PI4KA: variants seen among roughly 807,000 people sequenced by gnomAD.
PI4KA encodes the protein PI4-kinase alpha.
Under a neutral mutation model 271.4 loss-of-function variants are expected in PI4KA, and 122 were observed. The observed-to-expected ratio is 0.45, with a 90% confidence interval of 0.39 to 0.52. PI4KA has a LOEUF of 0.52. Ranked by LOEUF, PI4KA falls within the 20% of genes least tolerant of loss-of-function variation. The pLI is 0.00. For missense variants in PI4KA, 1,969 were observed against 2,769.1 expected, an observed-to-expected ratio of 0.71 and a Z score of 6.48; for synonymous variants, 1,041 against 1,078.8, an observed-to-expected ratio of 0.96 and a Z score of 0.69.
chr22:20,774,644 C>T (rs534518314), intron 19 of PI4KA, among the ~76,000 whole-genome samples: 1 of 151,964 alleles, frequency 6.6e-6, no homozygotes, highest in South Asian at 2.1e-4. Flanking sequence ...GCCTGTAATC[C>T]CAGCTACTCA....
intron 17 of PI4KA, among the ~76,000 whole-genome samples, chr22:20,797,407 G>A (rs978733078): frequency 1.3e-4 from 20 of 152,056 alleles, no homozygotes; most frequent in Admixed American, 2.6e-4. Flanking sequence ...AGGCAGCTGG[G>A]GACACTCCTG....
chr22:20,785,886 A>G lies in PI4KA; in HGVS notation c.2328+7307T>C, dbSNP rs916791678. On this transcript the variant is annotated intron_variant, in intron 19 of 54. Coordinates refer to ENST00000255882, the MANE Select transcript of PI4KA (RefSeq NM_058004.4). The stretch of plus-strand genomic sequence containing the variant: ...TGACAGTCCCGGAATATAAATTTTA[A>G]TAAGTGCTATATCAATTCTGTGATA... 5.8e-6 allele frequency: 8 copies of G among 1,386,132 alleles called. No homozygotes were observed. The African/African-American group carries it at 7.1e-5, about 12-fold the overall frequency. The allele number at this position is 1,386,132 out of a possible 1,614,324, so 85.9% of individuals were successfully genotyped here. A position where few individuals can be genotyped will look rare whatever the true frequency, so the allele number is the denominator to read the frequency against.
At chr22:20,761,032 C>T (rs891190232) in intron 23 of PI4KA, among the ~76,000 whole-genome samples, 14 of 152,294 alleles carry the variant, frequency 9.2e-5, no homozygotes, top group African/African-American at 2.9e-4. Flanking sequence ...AGTGCCCATC[C>T]GAGGAGCCCT....
chr22:20,752,607 G>A (rs1246978810), intron 25 of PI4KA, among the ~76,000 whole-genome samples: 1 of 152,212 alleles, frequency 6.6e-6, no homozygotes, highest in Non-Finnish European at 1.5e-5. Context: ...TGGGCTAGAA[G>A]ATGGTGCACC....
chr22:20,736,089 G>A (rs1165277178), intron 32 of PI4KA, among the ~76,000 whole-genome samples: 1 of 152,136 alleles, frequency 6.6e-6, no homozygotes, highest in African/African-American at 2.4e-5. Context: ...CTAAGAAACA[G>A]CAGTGCGAGT....
intron 19 of PI4KA, among the ~76,000 whole-genome samples, chr22:20,788,210 G>C (rs545954650): frequency 1.3e-5 from 2 of 152,174 alleles, no homozygotes; most frequent in African/African-American, 4.8e-5. Context: ...AGGAAGACAA[G>C]GGTTGGAAGA....
chr22:20,712,822 GCGGT>G, intron 48 of PI4KA, 25 bp from the exon 49 acceptor site: 1 of 1,550,612 alleles, frequency 6.4e-7, no homozygotes, highest in East Asian at 2.4e-5. Flanking sequence ...GGCGCAGGAT[GCGGT>G]CAGTTGGCGT....
At chr22:20,770,560 G>T (rs1932825484) in intron 19 of PI4KA, among the ~76,000 whole-genome samples, 3 of 127,892 alleles carry the variant, frequency 2.3e-5, no homozygotes, top group East Asian at 4.8e-4. Context: ...GTTTTGCTAT[G>T]TTGCCCAAGC....
At chr22:20,783,780 A>T (rs1408556538) in intron 19 of PI4KA, among the ~76,000 whole-genome samples, 2 of 152,174 alleles carry the variant, frequency 1.3e-5, no homozygotes, top group East Asian at 3.9e-4. Context: ...AGTCCGGGTA[A>T]CCTCTCGTTA....
chr22:20,811,622 A>C (rs992271237), intron 8 of PI4KA, among the ~76,000 whole-genome samples: 1 of 151,962 alleles, frequency 6.6e-6, no homozygotes, highest in Non-Finnish European at 1.5e-5. Context: ...AAAAAAAAAA[A>C]ACTGCCCACA....
In PI4KA at chr22:20,798,155, C is replaced by T. The variant is rs542479582; in HGVS notation, c.2108+429G>A. 4.6e-5 allele frequency among the ~76,000 whole-genome samples: 7 copies of T among 152,294 alleles called. No individual in the cohort carries two copies. The East Asian group carries it at 1.2e-3, about 25-fold the overall frequency. On this transcript the variant is annotated intron_variant, in intron 17 of 54. Coordinates refer to ENST00000255882, the MANE Select transcript of PI4KA (RefSeq NM_058004.4). Reference sequence around the variant, plus strand: ...TGCTCAGAGATATGTAGCTGTTAGGCTGTCAATGCTGCATTTATTAGTGGG... The same window carrying T: ...TGCTCAGAGATATGTAGCTGTTAGGTTGTCAATGCTGCATTTATTAGTGGG...
intron 3 of PI4KA, among the ~76,000 whole-genome samples, chr22:20,833,590 T>C (rs1924474814): frequency 6.6e-6 from 1 of 151,506 alleles, no homozygotes; most frequent in Admixed American, 6.6e-5. Flanking sequence ...AGAATGTTAA[T>C]GAGAACAGCA....
Position 20,838,006 on chromosome 22 carries a change from A to G in PI4KA, c.273+609T>C, listed in dbSNP as rs574124735. Reference sequence around the variant, plus strand: ...AGTGGTGGCTGGTGCCTGTAATCCCAGCTACTCAGGAGGCTGAGGCAGGAG... The same window carrying G: ...AGTGGTGGCTGGTGCCTGTAATCCCGGCTACTCAGGAGGCTGAGGCAGGAG... On this transcript the variant is annotated intron_variant, in intron 2 of 54. Coordinates refer to ENST00000255882, the MANE Select transcript of PI4KA (RefSeq NM_058004.4). Among the ~76,000 whole-genome samples, 175 of 152,108 alleles carry G rather than the reference A, an allele frequency of 1.2e-3. 1 individual carries two copies. The highest frequency in any genetic ancestry group is 4.1e-3 in the African/African-American group (168 of 41,480).
chr22:20,719,533 G>A (rs916915966), intron 43 of PI4KA, among the ~76,000 whole-genome samples: 2 of 152,134 alleles, frequency 1.3e-5, no homozygotes, highest in African/African-American at 4.8e-5. Flanking sequence ...TCTGATTTTG[G>A]AGCCTGGACT....
At chr22:20,714,787 T>A in intron 45 of PI4KA, 87 bp from the exon 46 acceptor site, 7 of 1,470,432 alleles carry the variant, frequency 4.8e-6, no homozygotes, top group Non-Finnish European at 6.5e-6. Context: ...GTTACATGCG[T>A]GTCCACCCTG....
intron 41 of PI4KA, 28 bp from the exon 42 acceptor site, chr22:20,726,569 G>T: frequency 1.3e-6 from 2 of 1,573,088 alleles, no homozygotes; most frequent in South Asian, 1.2e-5. Flanking sequence ...AGTTGGCCAT[G>T]ACTTCTGAGA....
chr22:20,720,749 T>C (rs1459095980), intron 43 of PI4KA, among the ~76,000 whole-genome samples: 3 of 152,212 alleles, frequency 2.0e-5, no homozygotes, highest in African/African-American at 7.2e-5. Flanking sequence ...TGCCACTCTT[T>C]TGGCTCATTT....
At chr22:20,843,620 G>A (rs1925869096) in intron 1 of PI4KA, among the ~76,000 whole-genome samples, 1 of 152,224 alleles carries the variant, frequency 6.6e-6, no homozygotes, top group Non-Finnish European at 1.5e-5. Context: ...ATATGAAGAA[G>A]TGTAGGTCTA....
intron 42 of PI4KA, among the ~76,000 whole-genome samples, chr22:20,725,246 C>G (rs1287910195): frequency 6.6e-6 from 1 of 152,114 alleles, no homozygotes; most frequent in Admixed American, 6.6e-5. Flanking sequence ...ATAGGGCAGA[C>G]AAGCTGCACT....
Sources: allele counts gnomAD v4.1 joint callset (sites outside exome capture counted in the v4.1 genomes callset), GRCh38; gene constraint gnomAD v4.1.1; transcripts MANE v1.5; gene names NCBI Gene and HGNC (gene_info 2026-07-23, HGNC 2026-07-21).